Variants in SEMA6D observed in about 807,000 individuals in gnomAD.
SEMA6D encodes semaphorin-6D.
SEMA6D carries 35 observed loss-of-function variants against 106.6 expected under a neutral mutation model. That is an observed-to-expected ratio of 0.33 (90% CI 0.25 to 0.44). The LOEUF is 0.44. SEMA6D is among the 20% of genes least tolerant of loss of function. The pLI, the probability that SEMA6D is intolerant of heterozygous loss-of-function variation, is 1.00. For missense variants in SEMA6D, 1,185 were observed against 1,345.9 expected, an observed-to-expected ratio of 0.88 and a Z score of 1.87; for synonymous variants, 499 against 487.7, an observed-to-expected ratio of 1.02 and a Z score of -0.31.
At chr15:47,764,582 G>T in intron 11 of SEMA6D, 56 bp from the exon 12 acceptor site, 1 of 1,600,278 alleles carries the variant, frequency 6.2e-7, no homozygotes, top group Non-Finnish European at 8.5e-7. Flanking sequence ...CTTAGATACA[G>T]TACATGGTGT....
intron 1 of SEMA6D, among the ~76,000 whole-genome samples, chr15:47,331,663 T>C (rs2144111231): frequency 1.3e-5 from 2 of 152,296 alleles, no homozygotes; most frequent in East Asian, 3.9e-4. Context: ...GATGGTGTAA[T>C]TACAAGTGGT....
chr15:47,466,465 T>G (rs565616188), intron 2 of SEMA6D, among the ~76,000 whole-genome samples: 3 of 152,252 alleles, frequency 2.0e-5, no homozygotes, highest in African/African-American at 4.8e-5. Context: ...AGTTCATTCA[T>G]GTTGACACAA....
chr15:47,529,464 C>T (rs1244409318), intron 3 of SEMA6D, among the ~76,000 whole-genome samples: 2 of 152,036 alleles, frequency 1.3e-5, no homozygotes, highest in South Asian at 2.1e-4. Flanking sequence ...AGGGGAGGCT[C>T]AAAGTAGGGA....
At chr15:47,382,051 T>A (rs1029832964) in intron 1 of SEMA6D, among the ~76,000 whole-genome samples, 1 of 152,170 alleles carries the variant, frequency 6.6e-6, no homozygotes, top group Non-Finnish European at 1.5e-5. Context: ...AAGGAACCAT[T>A]TGATGAAATA....
chr15:47,601,641 GT>G (rs1207606689), intron 4 of SEMA6D, among the ~76,000 whole-genome samples: 1 of 152,194 alleles, frequency 6.6e-6, no homozygotes, highest in African/African-American at 2.4e-5. Context: ...TTTCTAGTAT[GT>G]GCCATTTCTC....
chr15:47,440,186 A>T (rs959172520), intron 2 of SEMA6D, among the ~76,000 whole-genome samples: 2 of 152,106 alleles, frequency 1.3e-5, no homozygotes, highest in East Asian at 3.9e-4. Context: ...TGTCTAAGAC[A>T]TATGAGCAAG....
chr15:47,348,690 CA>C (rs1301420081), intron 1 of SEMA6D, among the ~76,000 whole-genome samples: 3 of 107,328 alleles, frequency 2.8e-5, no homozygotes, highest in African/African-American at 9.3e-5. Context: ...CACACACACA[CA>C]CACACACACA....
intron 1 of SEMA6D, among the ~76,000 whole-genome samples, chr15:47,211,712 A>G (rs2030031814): frequency 6.6e-6 from 1 of 152,170 alleles, no homozygotes; most frequent in African/African-American, 2.4e-5. Context: ...AAATTTACTT[A>G]TAATCACAAC....
chr15:47,450,716 G>A (rs2042165103), intron 2 of SEMA6D, among the ~76,000 whole-genome samples: 1 of 152,050 alleles, frequency 6.6e-6, no homozygotes. Flanking sequence ...TAGGACAAGG[G>A]ATCCTAGAAT....
chr15:47,497,789 T>TA (rs2043718560), intron 3 of SEMA6D, among the ~76,000 whole-genome samples: 1 of 152,102 alleles, frequency 6.6e-6, no homozygotes, highest in Non-Finnish European at 1.5e-5. Context: ...ATACTATCAT[T>TA]CAGCTACCAC....
intron 4 of SEMA6D, among the ~76,000 whole-genome samples, chr15:47,638,904 T>C (rs1410993956): frequency 6.6e-6 from 1 of 152,246 alleles, no homozygotes; most frequent in Non-Finnish European, 1.5e-5. Flanking sequence ...TCTTAAAATG[T>C]AGCACTTGGT....
At chr15:47,623,415 C>T (rs939712264) in intron 4 of SEMA6D, among the ~76,000 whole-genome samples, 2 of 152,150 alleles carry the variant, frequency 1.3e-5, no homozygotes, top group Non-Finnish European at 2.9e-5. Flanking sequence ...AAATTATCAT[C>T]CTTATTTTAC....
At chr15:47,305,176 G>A (rs1251799957) in intron 1 of SEMA6D, among the ~76,000 whole-genome samples, 2 of 152,116 alleles carry the variant, frequency 1.3e-5, no homozygotes, top group Non-Finnish European at 2.9e-5. Context: ...AGGTTTCCAG[G>A]TGATTATTAT....
At chr15:47,404,324 C>A (rs2040490393) in intron 1 of SEMA6D, among the ~76,000 whole-genome samples, 1 of 152,124 alleles carries the variant, frequency 6.6e-6, no homozygotes, top group Non-Finnish European at 1.5e-5. Context: ...AATGAGCCAT[C>A]ATCGTGGCAG....
At chr15:47,562,785 T>G in intron 3 of SEMA6D, among the ~76,000 whole-genome samples, 1 of 152,062 alleles carries the variant, frequency 6.6e-6, no homozygotes, top group Non-Finnish European at 1.5e-5. Context: ...CTTAAAAACT[T>G]AAATATAAAG....
chr15:47,689,018 G>A (rs371944813), intron 4 of SEMA6D, among the ~76,000 whole-genome samples: 7 of 152,232 alleles, frequency 4.6e-5, no homozygotes, highest in Middle Eastern at 6.8e-3. Flanking sequence ...CAAATATAAT[G>A]GATTTAATAT....
At chr15:47,208,776 C>T (rs773754271) in intron 1 of SEMA6D, among the ~76,000 whole-genome samples, 20 of 152,234 alleles carry the variant, frequency 1.3e-4, no homozygotes, top group Middle Eastern at 3.4e-3. Flanking sequence ...CATTCCAGGA[C>T]GGTTTCTGAC....
chr15:47,568,439 A>G (rs1435763), intron 3 of SEMA6D, among the ~76,000 whole-genome samples: 109,586 of 151,952 alleles, frequency 0.72, 39,744 homozygotes, highest in South Asian at 0.78. Context: ...GACAAGGTGA[A>G]TTTACAAGCA....
chr15:47,404,742 G>A (rs1364380879), intron 1 of SEMA6D, among the ~76,000 whole-genome samples: 1 of 152,068 alleles, frequency 6.6e-6, no homozygotes, highest in African/African-American at 2.4e-5. Flanking sequence ...AAAGCGTGTG[G>A]GAGAGAAATT....
Sources: gnomAD v4.1 joint callset for allele counts (sites outside exome capture counted in the v4.1 genomes callset) on GRCh38, gnomAD v4.1.1 for gene constraint, MANE v1.5 for transcripts, NCBI Gene and HGNC (gene_info 2026-07-23, HGNC 2026-07-21) for gene names.